The following AKAP6 variants were observed in gnomAD, a reference collection of about 807,000 sequenced individuals.
AKAP6 encodes A-kinase anchor protein 6.
AKAP6 carries 58 observed loss-of-function variants against 188.5 expected under a neutral mutation model. That is an observed-to-expected ratio of 0.31 (90% CI 0.25 to 0.38). The LOEUF is 0.38. AKAP6 is among the 10% of genes least tolerant of loss of function. AKAP6 has a pLI of 1.00. For missense variants in AKAP6, 2,710 were observed against 2,740.0 expected, an observed-to-expected ratio of 0.99 and a Z score of 0.24; for synonymous variants, 989 against 998.6, an observed-to-expected ratio of 0.99 and a Z score of 0.18.
intron 1 of AKAP6, among the ~76,000 whole-genome samples, chr14:32,368,995 T>C (rs1887925734): frequency 6.6e-6 from 1 of 152,130 alleles, no homozygotes; most frequent in African/African-American, 2.4e-5. Flanking sequence ...AAGTTAGGCA[T>C]ATAATTTCAC....
intron 12 of AKAP6, among the ~76,000 whole-genome samples, chr14:32,806,709 G>A (rs886229009): frequency 6.6e-6 from 1 of 152,048 alleles, no homozygotes; most frequent in African/African-American, 2.4e-5. Flanking sequence ...GTGAACATTT[G>A]TTGAATGCAT....
chr14:32,453,789 G>A (rs527309095), intron 2 of AKAP6, among the ~76,000 whole-genome samples: 175 of 150,344 alleles, frequency 1.2e-3, no homozygotes, highest in Non-Finnish European at 1.9e-3. Context: ...AGTAGAGACG[G>A]GGTTTCACCG....
chr14:32,641,469 T>TAAA (rs35618540), intron 7 of AKAP6, among the ~76,000 whole-genome samples: 2 of 119,826 alleles, frequency 1.7e-5, no homozygotes, highest in African/African-American at 3.0e-5. Context: ...GAAACCCTGC[T>TAAA]AAAAAAAAAA....
Position 32,577,212 on chromosome 14 carries a change from T to A in AKAP6, c.2439T>A (p.Asp813Glu), listed in dbSNP as rs1434311090. Residue 813 changes from aspartate (D) to glutamate (E), a missense_variant, in exon 5 of 14, where the codon GAT becomes GAA. Around this residue, in one of 2 missense-constraint regions of AKAP6, gnomAD observed 2,473 missense variants for 2,426.1 expected, o/e 1.02. Transcript: ENST00000280979. ...GGACTCCCCCTAAAGCAGAGATGGA[T>A]GACCTTAAACTGTATCTGGAGACAC... ...ENWTPPKAEM[D>E]DLKLYLETHL... The A allele has an allele frequency of 6.2e-7, 1 of 1,612,526 alleles. No homozygotes were observed. The highest frequency in any genetic ancestry group is 1.1e-5 in the South Asian group (1 of 90,860).
intron 2 of AKAP6, among the ~76,000 whole-genome samples, chr14:32,466,035 C>T (rs188896432): frequency 6.6e-6 from 1 of 152,232 alleles, no homozygotes. Context: ...GATACCACCT[C>T]ACACCAGTTA....
At chr14:32,457,762 T>C (rs183803480) in intron 2 of AKAP6, among the ~76,000 whole-genome samples, 49 of 152,326 alleles carry the variant, frequency 3.2e-4, no homozygotes, top group African/African-American at 1.2e-3. Flanking sequence ...AATTGTTCCA[T>C]TGGCATTTTC....
chr14:32,588,311 CCA>C (rs1310423076), intron 5 of AKAP6, among the ~76,000 whole-genome samples: 2 of 152,154 alleles, frequency 1.3e-5, no homozygotes, highest in African/African-American at 2.4e-5. Context: ...TGTGGATATG[CCA>C]CAGTTTATTT....
intron 4 of AKAP6, among the ~76,000 whole-genome samples, chr14:32,556,144 C>T (rs1883676576): frequency 6.6e-6 from 1 of 152,002 alleles, no homozygotes; most frequent in East Asian, 1.9e-4. Context: ...AAAATAGTAG[C>T]CATTGTAGTG....
chr14:32,800,832 T>C (rs1409724240), intron 12 of AKAP6, among the ~76,000 whole-genome samples: 1 of 151,858 alleles, frequency 6.6e-6, no homozygotes, highest in Non-Finnish European at 1.5e-5. Context: ...CTGGGCAACA[T>C]AGCAAAAACC....
intron 11 of AKAP6, among the ~76,000 whole-genome samples, chr14:32,736,107 A>G (rs1315754488): frequency 6.6e-6 from 1 of 152,174 alleles, no homozygotes; most frequent in Admixed American, 6.5e-5. Flanking sequence ...TCTCTGCTGC[A>G]TGTGTGTTTT....
intron 12 of AKAP6, among the ~76,000 whole-genome samples, chr14:32,776,715 AGCTG>A (rs1320687781): frequency 6.6e-5 from 10 of 152,190 alleles, no homozygotes; most frequent in African/African-American, 2.4e-4. Context: ...TTCACAAAGT[AGCTG>A]AGTGTTATGT....
intron 8 of AKAP6, among the ~76,000 whole-genome samples, chr14:32,692,594 T>C (rs1457258729): frequency 6.6e-6 from 1 of 152,198 alleles, no homozygotes; most frequent in Non-Finnish European, 1.5e-5. Flanking sequence ...GTATTGGTCT[T>C]TGGCGATGAG....
At chr14:32,617,466 ATTC>A (rs1886626548) in intron 7 of AKAP6, among the ~76,000 whole-genome samples, 1 of 152,166 alleles carries the variant, frequency 6.6e-6, no homozygotes, top group African/African-American at 2.4e-5. Flanking sequence ...CTCAAGCTGC[ATTC>A]TTCTTAAGGT....
intron 2 of AKAP6, among the ~76,000 whole-genome samples, chr14:32,502,971 AAT>A (rs1227345862): frequency 1.3e-5 from 2 of 152,120 alleles, no homozygotes; most frequent in Non-Finnish European, 2.9e-5. Flanking sequence ...ATTGCTAGTC[AAT>A]ATATATAGTA....
At chr14:32,706,819 C>G (rs1202023410) in intron 9 of AKAP6, among the ~76,000 whole-genome samples, 2 of 152,042 alleles carry the variant, frequency 1.3e-5, no homozygotes, top group Non-Finnish European at 2.9e-5. Context: ...AAACACACTA[C>G]ACACACATGC....
chr14:32,433,382 G>A, intron 1 of AKAP6, 78 bp from the exon 2 acceptor site: 2 of 966,448 alleles, frequency 2.1e-6, no homozygotes, highest in Non-Finnish European at 1.5e-6. Flanking sequence ...TAGAAATCCT[G>A]TTTCTTCTGT....
At chr14:32,350,201 T>A (rs1414613386) in intron 1 of AKAP6, among the ~76,000 whole-genome samples, 1 of 152,178 alleles carries the variant, frequency 6.6e-6, no homozygotes, top group Non-Finnish European at 1.5e-5. Flanking sequence ...TTTACAGTAG[T>A]GAAACCTGGT....
chr14:32,540,168 C>CTCTCTCTCTCTCTCTATATATATATATA (rs1240063339), intron 3 of AKAP6, among the ~76,000 whole-genome samples: 1 of 60,956 alleles, frequency 1.6e-5, no homozygotes, highest in African/African-American at 9.8e-5. Flanking sequence ...CTCTCTCTCT[C>CTCTCTCTCTCTCTCTATATATATATATA]TATATATATA....
intron 12 of AKAP6, among the ~76,000 whole-genome samples, chr14:32,817,807 G>A (rs185105262): frequency 2.0e-5 from 3 of 152,194 alleles, no homozygotes; most frequent in South Asian, 4.1e-4. Flanking sequence ...AAAAACAAAC[G>A]TTTGATTAGC....
Sources: gnomAD v4.1 joint callset for allele counts (sites outside exome capture counted in the v4.1 genomes callset) on GRCh38, gnomAD v4.1.1 for gene constraint, gnomAD v4.1.1 regional missense constraint, MANE v1.5 for transcripts, NCBI Gene and HGNC (gene_info 2026-07-23, HGNC 2026-07-21) for gene names.